INPP5B: variants seen among roughly 807,000 people sequenced by gnomAD.
INPP5B encodes the protein inositol polyphosphate-5-phosphatase B, also known as type II inositol 1,4,5-trisphosphate 5-phosphatase.
INPP5B carries 90 observed loss-of-function variants against 118.5 expected under a neutral mutation model. The observed-to-expected ratio is 0.76, with a 90% CI of 0.64 to 0.90. The LOEUF (loss-of-function observed/expected upper bound fraction) is 0.90, where lower values mean the gene tolerates loss of function less well. INPP5B is among the 40% of genes least tolerant of loss of function. INPP5B has a pLI of 0.00. For synonymous variants in INPP5B, 385 were observed against 418.9 expected (o/e 0.92, Z 0.99); for missense variants, 984 against 1,125.6 (o/e 0.87, Z 1.80).
At chr1:37,865,920 G>T in intron 21 of INPP5B, 32 bp from the exon 22 acceptor site, 1 of 1,607,538 alleles carries the variant, frequency 6.2e-7, no homozygotes, top group Non-Finnish European at 8.5e-7. Context: ...AACCGATAAT[G>T]CTGCTGTCCA....
chr1:37,890,795 G>A (rs1643795487), intron 8 of INPP5B, among the ~76,000 whole-genome samples: 1 of 152,154 alleles, frequency 6.6e-6, no homozygotes, highest in Admixed American at 6.5e-5. Context: ...GACCTTGGGT[G>A]AGTTATATAA....
chr1:37,939,526 G>A (rs1645834849), intron 6 of INPP5B, among the ~76,000 whole-genome samples: 1 of 147,648 alleles, frequency 6.8e-6, no homozygotes, highest in Admixed American at 6.8e-5. Flanking sequence ...CTTACTGCAA[G>A]CTCCGCCTCC....
At chr1:37,876,406 TAAAG>T (rs1642808385) in intron 16 of INPP5B, among the ~76,000 whole-genome samples, 1 of 151,140 alleles carries the variant, frequency 6.6e-6, no homozygotes, top group Non-Finnish European at 1.5e-5. Flanking sequence ...GTAATGATAA[TAAAG>T]AGCCACCACA....
chr1:37,868,475 G>C (rs1557618029), intron 20 of INPP5B, 26 bp downstream of exon 20: 1 of 1,513,338 alleles, frequency 6.6e-7, no homozygotes, highest in Non-Finnish European at 9.2e-7. Context: ...GCCTCAATCA[G>C]GTCTGAATGC....
chr1:37,942,162 GCT>G (rs1645954299), intron 5 of INPP5B: 1 of 150,640 alleles, frequency 6.6e-6, no homozygotes, highest in South Asian at 2.1e-4. Context: ...CGGTGCGGTG[GCT>G]CATGCCTGTA....
intron 6 of INPP5B, among the ~76,000 whole-genome samples, chr1:37,936,044 C>T (rs1184005982): frequency 2.0e-5 from 3 of 151,592 alleles, no homozygotes; most frequent in African/African-American, 2.4e-5. Flanking sequence ...CCAGCCTGGG[C>T]GACAGAGTGA....
intron 7 of INPP5B, among the ~76,000 whole-genome samples, chr1:37,895,683 T>C (rs996403713): frequency 4.9e-4 from 75 of 152,226 alleles, no homozygotes; most frequent in African/African-American, 1.8e-3. Context: ...TGACTGGTTT[T>C]CGTATTTTTT....
intron 7 of INPP5B, 59 bp from the exon 8 acceptor site, chr1:37,891,513 G>A: frequency 1.6e-5 from 20 of 1,284,976 alleles, no homozygotes; most frequent in Non-Finnish European, 2.3e-5. Context: ...GGTGGCTCAT[G>A]CCTGTAATCC....
rs1491111834 is a variant in INPP5B, at chr1:37,866,404, T to TCACACACACACACACACA, written c.2386+54_2386+55insTGTGTGTGTGTGTGTGTG. 1,476 of 365,130 alleles carry TCACACACACACACACACA rather than the reference T, an allele frequency of 4.0e-3. 4 individuals carry two copies. Among genetic ancestry groups the TCACACACACACACACACA allele is most frequent in the South Asian group, 5.8e-3 (143 of 24,780 alleles). 22.6% of individuals were successfully genotyped at this position (365,130 alleles called of 1,614,324 possible). On this transcript the variant is annotated intron_variant, in intron 21 of 23. Transcript: ENST00000373024. ...CTCATATTCTCTCTCTCTCTCTCTC[T>TCACACACACACACACACA]CTCACACACACACACACACACACAC...
intron 7 of INPP5B, among the ~76,000 whole-genome samples, chr1:37,905,130 G>A (rs1432945043): frequency 1.3e-5 from 2 of 151,824 alleles, no homozygotes; most frequent in Non-Finnish European, 2.9e-5. Context: ...GCCAGGCGTG[G>A]TGGCTCAAGC....
intron 17 of INPP5B, among the ~76,000 whole-genome samples, 172 bp from the exon 18 acceptor site, chr1:37,874,327 T>C (rs1642655800): frequency 6.6e-6 from 1 of 152,228 alleles, no homozygotes. Flanking sequence ...ACTAGTTATC[T>C]GTGTTTAACC....
At chr1:37,870,303 G>A (rs1434970781) in intron 19 of INPP5B, among the ~76,000 whole-genome samples, 1 of 152,106 alleles carries the variant, frequency 6.6e-6, no homozygotes, top group South Asian at 2.1e-4. Flanking sequence ...TAGAGATGGA[G>A]TCTCATTACG....
intron 5 of INPP5B, chr1:37,942,317 C>T (rs981082053): frequency 6.6e-6 from 1 of 151,668 alleles, no homozygotes; most frequent in Non-Finnish European, 1.5e-5. Context: ...GCCTGTAGTC[C>T]CAGCTACTTG....
At chr1:37,903,988 C>T (rs1349092092) in intron 7 of INPP5B, among the ~76,000 whole-genome samples, 1 of 152,150 alleles carries the variant, frequency 6.6e-6, no homozygotes, top group Non-Finnish European at 1.5e-5. Flanking sequence ...AACAGTTTTA[C>T]ATGCAAGGTG....
chr1:37,883,074 C>T, intron 13 of INPP5B, 156 bp from the exon 14 acceptor site: 1 of 985,400 alleles, frequency 1.0e-6, no homozygotes, highest in Non-Finnish European at 1.2e-6. Flanking sequence ...CTCGCCATCC[C>T]ATTTAATAAT....
Position 37,868,489 on chromosome 1 carries a change from A to AAC in INPP5B, c.2301+10_2301+11dup, listed in dbSNP as rs1480732767. 6.3e-7 allele frequency: 1 copy of AAC among 1,599,096 alleles called. No homozygotes were observed. Among genetic ancestry groups the AAC allele is most frequent in the South Asian group, 1.1e-5 (1 of 90,722 alleles). ...GGCCTCAATCAGGTCTGAATGCTTA[A>AAC]ACACAACCTACCTGCTGGACAGCAT... On this transcript the variant is annotated intron_variant, in intron 20 of 23. Transcript: ENST00000373024.
At chr1:37,931,848 G>A (rs775390303) in intron 7 of INPP5B, 65 bp downstream of exon 7, 69 of 1,611,566 alleles carry the variant, frequency 4.3e-5, no homozygotes, top group Non-Finnish European at 5.6e-5. Context: ...AAAACAGAAC[G>A]GAGCCCGCCC....
At chr1:37,936,261 A>C (rs12739026) in intron 6 of INPP5B, among the ~76,000 whole-genome samples, 17,134 of 151,954 alleles carry the variant, frequency 0.11, 1,002 homozygotes, top group East Asian at 0.17. Flanking sequence ...TCCGACTGCC[A>C]AGCCCTTTTC....
At chr1:37,886,650 C>CT (rs1643554335) in intron 12 of INPP5B, among the ~76,000 whole-genome samples, 1 of 152,216 alleles carries the variant, frequency 6.6e-6, no homozygotes, top group African/African-American at 2.4e-5. Context: ...GGAGGATCAA[C>CT]TGGAGGCTCT....
Sources: allele counts gnomAD v4.1 joint callset (sites outside exome capture counted in the v4.1 genomes callset), GRCh38; gene constraint gnomAD v4.1.1; transcripts MANE v1.5; gene names NCBI Gene and HGNC (gene_info 2026-07-23, HGNC 2026-07-21).